Variants in USH2A observed in about 807,000 individuals in gnomAD.
The protein encoded by USH2A is Usher syndrome 2A (autosomal recessive, mild).
A neutral mutation model predicts 538.9 loss-of-function variants in USH2A; 443 were observed. The ratio of observed to expected loss-of-function variants is 0.82; its 90% CI spans 0.76 to 0.89. The LOEUF is 0.89. USH2A is among the 40% of genes least tolerant of loss of function. USH2A has a pLI of 0.00. For missense variants in USH2A, 6,633 were observed against 6,324.8 expected, an observed-to-expected ratio of 1.05 and a Z score of -1.65; for synonymous variants, 2,413 against 2,273.5, an observed-to-expected ratio of 1.06 and a Z score of -1.75.
chr1:215,812,434 C>G (rs540638843), intron 49 of USH2A, among the ~76,000 whole-genome samples: 1 of 152,130 alleles, frequency 6.6e-6, no homozygotes, highest in African/African-American at 2.4e-5. Context: ...CAAGATGAAC[C>G]CATCAGGTGA....
chr1:215,833,879 T>A (rs1246593025), intron 47 of USH2A, among the ~76,000 whole-genome samples: 1 of 151,948 alleles, frequency 6.6e-6, no homozygotes, highest in African/African-American at 2.4e-5. Context: ...ATTAAGAAAT[T>A]TGCAAAAGAT....
At chr1:216,037,169 C>T (rs1571907458) in intron 32 of USH2A, among the ~76,000 whole-genome samples, 1 of 152,006 alleles carries the variant, frequency 6.6e-6, no homozygotes, top group East Asian at 1.9e-4. Flanking sequence ...TCAGAAGGAA[C>T]CAAATCAGAA....
chr1:216,132,468 C>T (rs991477235), intron 21 of USH2A, among the ~76,000 whole-genome samples: 2 of 152,000 alleles, frequency 1.3e-5, no homozygotes, highest in African/African-American at 4.8e-5. Context: ...GAATCATGAA[C>T]TCCTGCAGAG....
chr1:216,027,777 T>G (rs1669005312), intron 32 of USH2A, among the ~76,000 whole-genome samples: 1 of 149,260 alleles, frequency 6.7e-6, no homozygotes, highest in South Asian at 2.1e-4. Flanking sequence ...AAGAGACAAT[T>G]TAATTGACAT....
intron 64 of USH2A, among the ~76,000 whole-genome samples, chr1:215,651,870 C>CT (rs1326415670): frequency 1.3e-5 from 2 of 152,134 alleles, no homozygotes; most frequent in Admixed American, 1.3e-4. Flanking sequence ...TCATACTTTT[C>CT]TTTTTTTCCG....
chr1:216,230,435 A>G (rs528142171), intron 14 of USH2A, among the ~76,000 whole-genome samples: 1 of 152,330 alleles, frequency 6.6e-6, no homozygotes, highest in East Asian at 1.9e-4. Context: ...TAACATTTCT[A>G]CGGTGATAGA....
intron 4 of USH2A, among the ~76,000 whole-genome samples, chr1:216,328,958 A>G (rs1295753400): frequency 6.6e-6 from 1 of 152,174 alleles, no homozygotes; most frequent in Non-Finnish European, 1.5e-5. Context: ...GTAGTCTAAG[A>G]AAAATACACT....
intron 3 of USH2A, among the ~76,000 whole-genome samples, chr1:216,380,683 C>A (rs2038909497): frequency 6.6e-6 from 1 of 152,014 alleles, no homozygotes; most frequent in Admixed American, 6.6e-5. Flanking sequence ...GAGTACTGAG[C>A]TTTATAACCT....
At chr1:216,229,603 T>C (rs896862773) in intron 14 of USH2A, among the ~76,000 whole-genome samples, 1 of 152,124 alleles carries the variant, frequency 6.6e-6, no homozygotes, top group Non-Finnish European at 1.5e-5. Flanking sequence ...GAGTTAGCCA[T>C]AGTGCCTAGA....
intron 58 of USH2A, among the ~76,000 whole-genome samples, chr1:215,746,852 G>GCAC (rs1271131863): frequency 7.2e-5 from 11 of 152,074 alleles, no homozygotes; most frequent in Admixed American, 7.2e-4. Flanking sequence ...CCTTTTTTTG[G>GCAC]AGTATCACTT....
intron 56 of USH2A, among the ~76,000 whole-genome samples, chr1:215,761,709 A>T (rs1232115161): frequency 6.6e-6 from 1 of 152,206 alleles, no homozygotes; most frequent in Non-Finnish European, 1.5e-5. Flanking sequence ...AAATATACAC[A>T]CAAACAACTG....
chr1:215,934,868 C>A, intron 37 of USH2A, 73 bp from the exon 38 acceptor site: 1 of 1,411,244 alleles, frequency 7.1e-7, no homozygotes, highest in Admixed American at 2.0e-5. Context: ...TGAGTATTTT[C>A]TTGAGTTTCT....
In USH2A at chr1:215,779,824, T is replaced by G; in HGVS notation, c.10939+19A>C. ...GACAGACTCCTCCAGTAGGATTTCC[T>G]TTTTTTTTGTTTTCTCACCTGTGAC... On this transcript the variant is annotated intron_variant, in intron 55 of 71. Transcript: ENST00000307340. The G allele has an allele frequency of 6.3e-7, 1 of 1,593,146 alleles. No homozygotes were observed. The highest frequency in any genetic ancestry group is 1.3e-5 in the African/African-American group (1 of 74,372).
chr1:216,046,360 G>T (rs1185587863), intron 32 of USH2A, 71 bp downstream of exon 32: 1 of 1,583,788 alleles, frequency 6.3e-7, no homozygotes, highest in Non-Finnish European at 8.6e-7. Flanking sequence ...TGGATATCGA[G>T]AGCCAACTAT....
intron 32 of USH2A, among the ~76,000 whole-genome samples, chr1:216,035,927 A>C (rs1176688712): frequency 1.3e-5 from 2 of 152,278 alleles, no homozygotes; most frequent in African/African-American, 4.8e-5. Context: ...CTTATTTTTA[A>C]TCAAGATTTA....
At chr1:216,301,301 A>T (rs1190348725) in intron 9 of USH2A, among the ~76,000 whole-genome samples, 1 of 152,160 alleles carries the variant, frequency 6.6e-6, no homozygotes, top group Admixed American at 6.5e-5. Context: ...AGGTCCTGAG[A>T]GCTCCCAGTG....
At chr1:215,903,832 A>G (rs1035239262) in intron 38 of USH2A, among the ~76,000 whole-genome samples, 1 of 152,124 alleles carries the variant, frequency 6.6e-6, no homozygotes, top group Non-Finnish European at 1.5e-5. Flanking sequence ...AATTAGTAAA[A>G]GTGTGGCATG....
intron 70 of USH2A, among the ~76,000 whole-genome samples, 198 bp from the exon 71 acceptor site, chr1:215,629,233 T>C (rs907837607): frequency 1.3e-5 from 2 of 152,190 alleles, no homozygotes; most frequent in Admixed American, 1.3e-4. Context: ...CCTGGGTTTC[T>C]TGGTAAGAAG....
chr1:215,730,235 A>C (rs1351529441), intron 60 of USH2A, among the ~76,000 whole-genome samples: 1 of 152,202 alleles, frequency 6.6e-6, no homozygotes, highest in Non-Finnish European at 1.5e-5. Flanking sequence ...TGCAGGTTTG[A>C]TGGAAAGCAA....
Sources: gnomAD v4.1 joint callset for allele counts (sites outside exome capture counted in the v4.1 genomes callset) on GRCh38, gnomAD v4.1.1 for gene constraint, MANE v1.5 for transcripts, NCBI Gene and HGNC (gene_info 2026-07-23, HGNC 2026-07-21) for gene names.